RYR2: variants seen among roughly 807,000 people sequenced by gnomAD.
RYR2 encodes the protein cardiac muscle ryanodine receptor-calcium release channel.
RYR2 carries 227 observed loss-of-function variants against 601.1 expected under a neutral mutation model. That is an observed-to-expected ratio of 0.38 (90% CI 0.34 to 0.42). The LOEUF (loss-of-function observed/expected upper bound fraction) is 0.42. Among genes scored for constraint, RYR2 ranks in the 10% least tolerant of loss-of-function variants. The pLI is 1.00. For synonymous variants in RYR2, 2,223 were observed against 2,175.1 expected (o/e 1.02, Z -0.61); for missense variants, 4,646 against 6,156.5 (o/e 0.75, Z 8.21).
intron 71 of RYR2, among the ~76,000 whole-genome samples, chr1:237,713,175 T>C (rs1450259165): frequency 1.3e-5 from 2 of 152,162 alleles, no homozygotes; most frequent in African/African-American, 4.8e-5. Context: ...CCCTTTTCCC[T>C]CTTTTCCATC....
At chr1:237,495,315 G>A (rs2010033) in intron 19 of RYR2, among the ~76,000 whole-genome samples, 44,704 of 151,956 alleles carry the variant, frequency 0.29, 6,684 homozygotes, top group Middle Eastern at 0.45. Flanking sequence ...CTCTTGACTC[G>A]GAAACCCATG....
chr1:237,480,111 T>C (rs1320322992), intron 17 of RYR2, among the ~76,000 whole-genome samples: 3 of 152,026 alleles, frequency 2.0e-5, no homozygotes, highest in Non-Finnish European at 4.4e-5. Context: ...AGAACCATGA[T>C]TGTTAACAGC....
At chr1:237,168,918 G>A (rs1234955559) in intron 1 of RYR2, among the ~76,000 whole-genome samples, 2 of 152,068 alleles carry the variant, frequency 1.3e-5, no homozygotes, top group Admixed American at 1.3e-4. Flanking sequence ...GAAACAATAT[G>A]GTTATTGGTG....
At chr1:237,410,073 A>G (rs1273488021) in intron 10 of RYR2, among the ~76,000 whole-genome samples, 1 of 152,192 alleles carries the variant, frequency 6.6e-6, no homozygotes, top group Non-Finnish European at 1.5e-5. Context: ...GTCATGGTAA[A>G]TGTAAAAAAG....
At chr1:237,515,747 T>C (rs1383352217) in intron 24 of RYR2, among the ~76,000 whole-genome samples, 2 of 135,802 alleles carry the variant, frequency 1.5e-5, no homozygotes, top group Admixed American at 7.4e-5. Context: ...TTCCCCTTCT[T>C]CCTCTTCTTC....
At position 237,106,248 on chromosome 1, in the gene RYR2, A is replaced by C. The variant is rs1668667726; in HGVS notation, c.48+63679A>C. ...TTGAGAATAGATGTTCCTGGTAAAC[A>C]GGGGTGGGCAGGGAGAACAGCTCCC... On this transcript the variant is annotated intron_variant, in intron 1 of 104. Transcript: ENST00000366574. The surrounding 1 kb of genome is among the most constrained non-coding windows in gnomAD (Gnocchi z 4.4). 2.0e-5 allele frequency among the ~76,000 whole-genome samples: 3 copies of C among 152,208 alleles called. No individual in the cohort carries two copies.
At chr1:237,352,060 C>G (rs1009715149) in intron 3 of RYR2, among the ~76,000 whole-genome samples, 12 of 151,790 alleles carry the variant, frequency 7.9e-5, no homozygotes, top group African/African-American at 2.9e-4. Context: ...TTAACAGATA[C>G]TATAAAACAT....
intron 102 of RYR2, chr1:237,830,110 T>C (rs2102942696): frequency 5.7e-6 from 1 of 174,710 alleles, no homozygotes. Flanking sequence ...CTATTCCCCC[T>C]TGGTCGTCCG....
At chr1:237,634,186 A>G (rs1448742483) in intron 43 of RYR2, among the ~76,000 whole-genome samples, 1 of 152,202 alleles carries the variant, frequency 6.6e-6, no homozygotes. Context: ...CATTATTCAC[A>G]ATAGCTGAGA....
intron 2 of RYR2, among the ~76,000 whole-genome samples, chr1:237,300,936 A>G (rs1385534866): frequency 1.3e-5 from 2 of 152,128 alleles, no homozygotes; most frequent in Non-Finnish European, 2.9e-5. Flanking sequence ...AGTGAATTTC[A>G]TGGAAAAGCA....
chr1:237,635,051 A>G (rs1294888206), intron 44 of RYR2, 59 bp downstream of exon 44: 12 of 1,237,868 alleles, frequency 9.7e-6, no homozygotes, highest in Admixed American at 3.0e-5. Flanking sequence ...CGGTTTTCTC[A>G]ATATTTTAAA....
intron 3 of RYR2, among the ~76,000 whole-genome samples, chr1:237,336,242 A>G (rs1027933665): frequency 6.6e-6 from 1 of 152,212 alleles, no homozygotes; most frequent in African/African-American, 2.4e-5. Context: ...CTATTAATAG[A>G]AAAATCATTT....
intron 2 of RYR2, among the ~76,000 whole-genome samples, chr1:237,326,610 G>A (rs1175593023): frequency 2.0e-5 from 3 of 152,166 alleles, no homozygotes; most frequent in South Asian, 2.1e-4. Flanking sequence ...AATGCAGAGC[G>A]TACTATATGA....
At chr1:237,417,523 A>G (rs1705136913) in intron 11 of RYR2, among the ~76,000 whole-genome samples, 1 of 152,184 alleles carries the variant, frequency 6.6e-6, no homozygotes, top group African/African-American at 2.4e-5. Context: ...CTGTGGATTT[A>G]ACCTTCTAAA....
At chr1:237,640,202 C>T (rs1341852754) in intron 46 of RYR2, among the ~76,000 whole-genome samples, 1 of 152,166 alleles carries the variant, frequency 6.6e-6, no homozygotes, top group Non-Finnish European at 1.5e-5. Context: ...TCATTCAAAG[C>T]CTCACTGTCA....
At chr1:237,246,078 C>G (rs1686791876) in intron 1 of RYR2, among the ~76,000 whole-genome samples, 1 of 149,624 alleles carries the variant, frequency 6.7e-6, no homozygotes, top group Admixed American at 6.6e-5. Flanking sequence ...CCACACCTGG[C>G]TGATCTGTTT....
chr1:237,613,558 A>C (rs1404803042), intron 36 of RYR2, among the ~76,000 whole-genome samples: 1 of 152,144 alleles, frequency 6.6e-6, no homozygotes, highest in Non-Finnish European at 1.5e-5. Context: ...CAGATCCTTG[A>C]TACAATGGAG....
chr1:237,306,536 A>G lies in RYR2; in HGVS notation c.169-24342A>G, dbSNP rs550808011. 4.6e-5 allele frequency among the ~76,000 whole-genome samples: 7 copies of G among 152,352 alleles called. No homozygotes were observed. In the South Asian group the frequency reaches 1.2e-3, roughly 27 times the overall value. ...ATATTAATGAGAATGGAAAATAACC[A>G]GTCAACATTGTTCTCTAGGCTGTAC... On this transcript the variant is annotated intron_variant, in intron 2 of 104. Transcript: ENST00000366574.
intron 19 of RYR2, among the ~76,000 whole-genome samples, chr1:237,496,019 C>G (rs1664031027): frequency 6.6e-6 from 1 of 152,192 alleles, no homozygotes; most frequent in South Asian, 2.1e-4. Flanking sequence ...TCTCTGTGTA[C>G]TACCTCAGTG....
Sources: gnomAD v4.1 joint callset for allele counts (sites outside exome capture counted in the v4.1 genomes callset) on GRCh38, gnomAD v4.1.1 for gene constraint, Gnocchi (gnomAD v3.1) non-coding constraint, MANE v1.5 for transcripts, NCBI Gene and HGNC (gene_info 2026-07-23, HGNC 2026-07-21) for gene names.